Variants in MAFA observed in about 807,000 individuals in gnomAD.
MAFA encodes the protein MAF bZIP transcription factor A, also known as transcription factor MafA.
For synonymous variants in MAFA, 244 were observed against 260.3 expected (o/e 0.94, Z 0.60); for missense variants, 547 against 538.0 (o/e 1.02, Z -0.16).
Position 143,430,325 on chromosome 8 carries a change from T to C in MAFA, c.82A>G (p.Lys28Glu). The C allele has an allele frequency of 6.9e-7, 1 of 1,447,868 alleles. No individual in the cohort carries two copies. The highest frequency in any genetic ancestry group is 9.2e-7 in the Non-Finnish European group (1 of 1,085,098). The allele number at this position is 1,447,868 out of a possible 1,614,324, so 89.7% of individuals were successfully genotyped here. A position where few individuals can be genotyped will look rare whatever the true frequency, so the allele number is the denominator to read the frequency against. The change falls in exon 1 of 1, where the codon AAG becomes GAG. Residue 28 changes from lysine to glutamate, a missense_variant. Lys to Glu is a moderately conservative substitution (Grantham distance 56). Coordinates refer to ENST00000333480, the MANE Select transcript of MAFA (RefSeq NM_201589.4). ...IEYVNDFDLM[K>E]FEVKKEPPEA... is the part of the protein sequence containing the mutation. ...GGAGGCTCCTTCTTCACCTCGAACT[T>C]CATCAGGTCGAAGTCGTTGACGTAC...
In MAFA at chr8:143,429,686, T is replaced by TCAGCTCGCGCACCGACATGGACAC; in HGVS notation, c.697_720dup (p.Val233_Leu240dup). ...TTGCTGAAGCCGCGGAGCTGCCGGT[T>TCAGCTCGCGCACCGACATGGACAC]CAGCTCGCGCACCGACATGGACACC... is the stretch of plus-strand genomic sequence containing the variant. On this transcript the variant is annotated inframe_insertion, in exon 1 of 1. Transcript: ENST00000333480. This position sits in a 1 kb window ranked among gnomAD's most constrained non-coding sequence, Gnocchi z 5.9. 6.4e-7 allele frequency: 1 copy of TCAGCTCGCGCACCGACATGGACAC among 1,573,464 alleles called. No individual in the cohort carries two copies. Among genetic ancestry groups the TCAGCTCGCGCACCGACATGGACAC allele is most frequent in the African/African-American group, 1.3e-5 (1 of 74,334 alleles).
Position 143,429,220 on chromosome 8 carries a change from C to T in MAFA, c.*125G>A, listed in dbSNP as rs927926903. On this transcript the variant is annotated 3_prime_UTR_variant, in exon 1 of 1. Transcript: ENST00000333480. This position sits in a 1 kb window ranked among gnomAD's most constrained non-coding sequence, Gnocchi z 5.9. ...AGCCCCGCGCCCGCAGACTTGGCAC[C>T]GGGGCCAGCACGGCCGGGCCGGGCC... 3 of 1,164,072 alleles carry T rather than the reference C, an allele frequency of 2.6e-6. No individual in the cohort carries two copies. Among genetic ancestry groups the T allele is most frequent in the Admixed American group, 4.5e-5 (1 of 22,466 alleles). The allele number at this position is 1,164,072 out of a possible 1,614,324, so 72.1% of individuals were successfully genotyped here.
In MAFA at chr8:143,430,150, CCGCCGCCGCCCCCCG is replaced by C. The variant is rs1224802142; in HGVS notation, c.242_256del (p.Ala81_Gly85del). 12 of 1,093,054 alleles carry C rather than the reference CCGCCGCCGCCCCCCG, an allele frequency of 1.1e-5. No homozygotes were observed. The highest frequency in any genetic ancestry group is 4.1e-4 in the Middle Eastern group (1 of 2,448). 67.7% of individuals were successfully genotyped at this position (1,093,054 alleles called of 1,614,324 possible). A position where few individuals can be genotyped will look rare whatever the true frequency, so the allele number is the denominator to read the frequency against. ...GGGGGCGCCCCCGGCCTGAGACGAG[CCGCCGCCGCCCCCCG>C]CGCCGCCGCCGCCGCCGGTGCCCGG... is the stretch of plus-strand genomic sequence containing the variant. On this transcript the variant is annotated inframe_deletion, in exon 1 of 1. Transcript: ENST00000333480.
Position 143,429,360 on chromosome 8 carries a change from G to A in MAFA, c.1047C>T (p.Ala349=). The A allele has an allele frequency of 7.3e-7, 1 of 1,374,306 alleles. No homozygotes were observed. The allele number at this position is 1,374,306 out of a possible 1,614,324, so 85.1% of individuals were successfully genotyped here. The change falls in exon 1 of 1, where the codon GCC becomes GCT. Residue 349 remains alanine, a synonymous_variant. Coordinates refer to ENST00000333480, the MANE Select transcript of MAFA (RefSeq NM_201589.4). The surrounding 1 kb of genome is among the most constrained non-coding windows in gnomAD (Gnocchi z 5.9). ...GGTCCGGCGCCTACAGGAAGAAGTCGGCCGTGCCCTTGGCCCCGCCGGGAC... is the reference window on the plus strand; with the variant it reads ...GGTCCGGCGCCTACAGGAAGAAGTCAGCCGTGCCCTTGGCCCCGCCGGGAC... ...QAGPGGAKGT[A]DFFL is the part of the protein sequence containing the mutation.
chr8:143,429,218 A>C lies in MAFA; in HGVS notation c.*127T>G. The C allele has an allele frequency of 1.7e-6, 2 of 1,153,672 alleles. No homozygotes were observed. Among genetic ancestry groups the C allele is most frequent in the Non-Finnish European group, 2.2e-6 (2 of 924,300 alleles). The allele number at this position is 1,153,672 out of a possible 1,614,324, so 71.5% of individuals were successfully genotyped here. ...CCAGCCCCGCGCCCGCAGACTTGGC[A>C]CCGGGGCCAGCACGGCCGGGCCGGG... On this transcript the variant is annotated 3_prime_UTR_variant, in exon 1 of 1. Coordinates refer to ENST00000333480, the MANE Select transcript of MAFA (RefSeq NM_201589.4). The surrounding 1 kb of genome is among the most constrained non-coding windows in gnomAD (Gnocchi z 5.9).
At position 143,430,457 on chromosome 8, in the gene MAFA, G is replaced by T. The variant is rs1819523749; in HGVS notation, c.-51C>A. The T allele has an allele frequency of 2.3e-6, 2 of 851,734 alleles. No individual in the cohort carries two copies. The highest frequency in any genetic ancestry group is 5.7e-5 in the Admixed American group (1 of 17,414). The allele number at this position is 851,734 out of a possible 1,614,324, so 52.8% of individuals were successfully genotyped here. ...CCCCGACGGGCGGCGTGGGAGTGGG[G>T]GGGGAGCTGCAGGCCTCTCCCCCCC... On this transcript the variant is annotated 5_prime_UTR_variant, in exon 1 of 1. Transcript: ENST00000333480.
At position 143,429,555 on chromosome 8, in the gene MAFA, G is replaced by C. The variant is rs377604049; in HGVS notation, c.852C>G (p.Ser284Arg). ...KRVQQRHILE[S>R]EKCQLQSQVE... ...CCTGGCTCTGGAGTTGGCACTTCTC[G>C]CTCTCCAGAATGTGCCGCTGCTGCA... Residue 284 changes from serine (S) to arginine (R), a missense_variant, in exon 1 of 1, where the codon AGC (serine) becomes AGG (arginine). Coordinates refer to ENST00000333480, the MANE Select transcript of MAFA (RefSeq NM_201589.4). This position sits in a 1 kb window ranked among gnomAD's most constrained non-coding sequence, Gnocchi z 5.9. 1.9e-6 allele frequency: 3 copies of C among 1,604,784 alleles called. No individual in the cohort carries two copies. Among genetic ancestry groups the C allele is most frequent in the Admixed American group, 3.3e-5 (2 of 59,926 alleles).
In MAFA at chr8:143,430,392, C is replaced by T. The variant is rs973094410; in HGVS notation, c.15G>A (p.Leu5=). 3.6e-6 allele frequency: 5 copies of T among 1,373,404 alleles called. No homozygotes were observed. Among genetic ancestry groups the T allele is most frequent in the Non-Finnish European group, 3.8e-6 (4 of 1,047,390 alleles). The allele number at this position is 1,373,404 out of a possible 1,614,324, so 85.1% of individuals were successfully genotyped here. Residue 5 remains leucine (L), a synonymous_variant, in exon 1 of 1, where the codon CTG becomes CTA. Coordinates refer to ENST00000333480, the MANE Select transcript of MAFA (RefSeq NM_201589.4). Reference sequence around the variant, plus strand: ...TGCTGGGCAGCTCGGCGCCCATCGCCAGCTCCGCGGCCATCGCCCGGGGCC... The same window carrying T: ...TGCTGGGCAGCTCGGCGCCCATCGCTAGCTCCGCGGCCATCGCCCGGGGCC... MAAE[L]AMGAELPSSP...
In MAFA at chr8:143,429,799, T is replaced by C. The variant is rs1819503880; in HGVS notation, c.608A>G (p.His203Arg). 6.7e-7 allele frequency: 1 copy of C among 1,496,772 alleles called. No homozygotes were observed. The highest frequency in any genetic ancestry group is 8.9e-7 in the Non-Finnish European group (1 of 1,125,074). The allele number at this position is 1,496,772 out of a possible 1,614,324, so 92.7% of individuals were successfully genotyped here. Residue 203 changes from histidine to arginine, a missense_variant, in exon 1 of 1, where the codon CAC becomes CGC. Transcript: ENST00000333480. This position sits in a 1 kb window ranked among gnomAD's most constrained non-coding sequence, Gnocchi z 5.9. ...HHHHAAHHHH[H>R]HHHHHGGAGH... ...CGCGCCGCCATGGTGGTGGTGGTGG[T>C]GGTGGTGGTGGTGGGCGGCGTGGTG...
Position 143,429,800 on chromosome 8 carries a change from G to A in MAFA, c.607C>T (p.His203Tyr). Reference sequence around the variant, plus strand: ...GCGCCGCCATGGTGGTGGTGGTGGTGGTGGTGGTGGTGGGCGGCGTGGTGA... The same window carrying A: ...GCGCCGCCATGGTGGTGGTGGTGGTAGTGGTGGTGGTGGGCGGCGTGGTGA... ...HHHHAAHHHH[H>Y]HHHHHGGAGH... is the part of the protein sequence containing the mutation. The change falls in exon 1 of 1, where the codon CAC (histidine) becomes TAC (tyrosine). Residue 203 changes from histidine (H) to tyrosine (Y), a missense_variant. Coordinates refer to ENST00000333480, the MANE Select transcript of MAFA (RefSeq NM_201589.4). The surrounding 1 kb of genome is among the most constrained non-coding windows in gnomAD (Gnocchi z 5.9). The A allele has an allele frequency of 6.6e-7, 1 of 1,509,112 alleles. No homozygotes were observed. The highest frequency in any genetic ancestry group is 2.0e-5 in the Admixed American group (1 of 49,266). The allele number at this position is 1,509,112 out of a possible 1,614,324, so 93.5% of individuals were successfully genotyped here. A position where few individuals can be genotyped will look rare whatever the true frequency, so the allele number is the denominator to read the frequency against.
At position 143,430,357 on chromosome 8, in the gene MAFA, G is replaced by A; in HGVS notation, c.50C>T (p.Ala17Val). 1 of 1,444,552 alleles carries A rather than the reference G, an allele frequency of 6.9e-7. No individual in the cohort carries two copies. The highest frequency in any genetic ancestry group is 9.2e-7 in the Non-Finnish European group (1 of 1,084,074). The allele number at this position is 1,444,552 out of a possible 1,614,324, so 89.5% of individuals were successfully genotyped here. A position where few individuals can be genotyped will look rare whatever the true frequency, so the allele number is the denominator to read the frequency against. ...GTCGAAGTCGTTGACGTACTCGATG[G>A]CCAGCGGGCTGCTGGGCAGCTCGGC... ...MGAELPSSPL[A>V]IEYVNDFDLM... The change falls in exon 1 of 1, where the codon GCC becomes GTC. Residue 17 changes from alanine (A) to valine (V), a missense_variant. By Grantham distance (64) the Ala-to-Val change is moderately conservative (BLOSUM62 0). Transcript: ENST00000333480.
rs1473612029 is a variant in MAFA at position 143,429,899 on chromosome 8, C to A, written c.508G>T (p.Gly170Cys). The A allele has an allele frequency of 1.5e-6, 2 of 1,301,032 alleles. No individual in the cohort carries two copies. Among genetic ancestry groups the A allele is most frequent in the African/African-American group, 1.6e-5 (1 of 63,130 alleles). 80.6% of individuals were successfully genotyped at this position (1,301,032 alleles called of 1,614,324 possible). A position where few individuals can be genotyped will look rare whatever the true frequency, so the allele number is the denominator to read the frequency against. ...AAAYEAFRGPGFAGGGGADDM... is the reference protein window; with the variant it reads ...AAAYEAFRGPCFAGGGGADDM... ...TCCGCTCCGCCGCCGCCCGCGAAGC[C>A]CGGGCCGCGGAAAGCCTCGTAGGCT... The change falls in exon 1 of 1, where the codon GGC becomes TGC. Residue 170 changes from glycine (G) to cysteine (C), a missense_variant. By Grantham distance (159) the Gly-to-Cys change is radical. Transcript: ENST00000333480. This position sits in a 1 kb window ranked among gnomAD's most constrained non-coding sequence, Gnocchi z 5.9.
In MAFA at chr8:143,430,299, G is replaced by T. The variant is rs954548436; in HGVS notation, c.108C>A (p.Pro36=). Residue 36 remains proline, a synonymous_variant, in exon 1 of 1, where the codon CCC becomes CCA. Transcript: ENST00000333480. The part of the protein sequence containing the change: ...LMKFEVKKEP[P]EAERFCHRLP... ...GGCGGTGGCAGAAGCGCTCGGCCTC[G>T]GGAGGCTCCTTCTTCACCTCGAACT... The T allele has an allele frequency of 1.4e-6, 2 of 1,450,036 alleles. No individual in the cohort carries two copies. The highest frequency in any genetic ancestry group is 3.1e-5 in the East Asian group (1 of 31,772). The allele number at this position is 1,450,036 out of a possible 1,614,324, so 89.8% of individuals were successfully genotyped here. A position where few individuals can be genotyped will look rare whatever the true frequency, so the allele number is the denominator to read the frequency against.
At position 143,429,221 on chromosome 8, in the gene MAFA, G is replaced by C. The variant is rs1228076472; in HGVS notation, c.*124C>G. 1 of 1,167,198 alleles carries C rather than the reference G, an allele frequency of 8.6e-7. No individual in the cohort carries two copies. The allele number at this position is 1,167,198 out of a possible 1,614,324, so 72.3% of individuals were successfully genotyped here. ...GCCCCGCGCCCGCAGACTTGGCACC[G>C]GGGCCAGCACGGCCGGGCCGGGCCT... On this transcript the variant is annotated 3_prime_UTR_variant, in exon 1 of 1. Coordinates refer to ENST00000333480, the MANE Select transcript of MAFA (RefSeq NM_201589.4). The surrounding 1 kb of genome is among the most constrained non-coding windows in gnomAD (Gnocchi z 5.9).
Position 143,429,986 on chromosome 8 carries a change from C to T in MAFA, c.421G>A (p.Ala141Thr). The T allele has an allele frequency of 7.5e-7, 1 of 1,340,126 alleles. No individual in the cohort carries two copies. The highest frequency in any genetic ancestry group is 9.6e-7 in the Non-Finnish European group (1 of 1,039,300). The allele number at this position is 1,340,126 out of a possible 1,614,324, so 83.0% of individuals were successfully genotyped here. Residue 141 changes from alanine (A) to threonine (T), a missense_variant, in exon 1 of 1, where the codon GCG becomes ACG. Ala to Thr is a moderately conservative substitution (Grantham distance 58). Coordinates refer to ENST00000333480, the MANE Select transcript of MAFA (RefSeq NM_201589.4). The surrounding 1 kb of genome is among the most constrained non-coding windows in gnomAD (Gnocchi z 5.9). ...CCGTGGTGGCCGCTGCCGATGAGCG[C>T]CTCCACCGCGTCCTCGGGCGTCAGG... ...LNLTPEDAVE[A>T]LIGSGHHGAH...
Position 143,429,872 on chromosome 8 carries a change from C to T in MAFA, c.535G>A (p.Asp179Asn), listed in dbSNP as rs1819513612. 1 of 1,327,182 alleles carries T rather than the reference C, an allele frequency of 7.5e-7. No homozygotes were observed. The highest frequency in any genetic ancestry group is 9.6e-7 in the Non-Finnish European group (1 of 1,046,900). 82.2% of individuals were successfully genotyped at this position (1,327,182 alleles called of 1,614,324 possible). Residue 179 changes from aspartate (D) to asparagine (N), a missense_variant, in exon 1 of 1, where the codon GAC becomes AAC. Coordinates refer to ENST00000333480, the MANE Select transcript of MAFA (RefSeq NM_201589.4). This position sits in a 1 kb window ranked among gnomAD's most constrained non-coding sequence, Gnocchi z 5.9. ...CCGTGGTGGTGGCCGGCGCCCATGT[C>T]GTCCGCTCCGCCGCCGCCCGCGAAG... ...PGFAGGGGAD[D>N]MGAGHHHGAH...
Position 143,429,555 on chromosome 8 carries a change from G to T in MAFA, c.852C>A (p.Ser284Arg). 1.2e-6 allele frequency: 2 copies of T among 1,604,784 alleles called. No homozygotes were observed. Among genetic ancestry groups the T allele is most frequent in the Middle Eastern group, 3.3e-4 (2 of 6,034 alleles). The change falls in exon 1 of 1, where the codon AGC becomes AGA. Residue 284 changes from serine (S) to arginine (R), a missense_variant. Coordinates refer to ENST00000333480, the MANE Select transcript of MAFA (RefSeq NM_201589.4). The surrounding 1 kb of genome is among the most constrained non-coding windows in gnomAD (Gnocchi z 5.9). Reference protein sequence around the residue: ...KRVQQRHILESEKCQLQSQVE... With the variant: ...KRVQQRHILEREKCQLQSQVE... ...CCTGGCTCTGGAGTTGGCACTTCTC[G>T]CTCTCCAGAATGTGCCGCTGCTGCA...
Position 143,429,720 on chromosome 8 carries a change from G to A in MAFA, c.687C>T (p.Asp229=), listed in dbSNP as rs1218449444. 4.5e-6 allele frequency: 7 copies of A among 1,557,546 alleles called. No homozygotes were observed. The highest frequency in any genetic ancestry group is 1.2e-5 in the South Asian group (1 of 86,176). The change falls in exon 1 of 1, where the codon GAC becomes GAT. Residue 229 remains aspartate (D), a synonymous_variant. Coordinates refer to ENST00000333480, the MANE Select transcript of MAFA (RefSeq NM_201589.4). This position sits in a 1 kb window ranked among gnomAD's most constrained non-coding sequence, Gnocchi z 5.9. The stretch of plus-strand genomic sequence containing the variant: ...GCACCGACATGGACACCAGCTGGTC[G>A]TCGGAGAAGCGCTCCTCCAGGCGCA... ...HHVRLEERFS[D]DQLVSMSVRE...
chr8:143,428,952 AAGAGAACGAAGG>A lies in MAFA; in HGVS notation c.*381_*392del, dbSNP rs1819489794. 2 of 166,748 alleles carry A rather than the reference AAGAGAACGAAGG, an allele frequency of 1.2e-5. No individual in the cohort carries two copies. Among genetic ancestry groups the A allele is most frequent in the Non-Finnish European group, 2.5e-5 (2 of 78,492 alleles). The allele number at this position is 166,748 out of a possible 1,614,324, so 10.3% of individuals were successfully genotyped here. ...AAAAGGCAAGGAAAGGGAGGCTGAG[AAGAGAACGAAGG>A]AGGGCGGGGGCAGGCAGGGGCCACC... On this transcript the variant is annotated 3_prime_UTR_variant, in exon 1 of 1. Coordinates refer to ENST00000333480, the MANE Select transcript of MAFA (RefSeq NM_201589.4).
Sources: gnomAD v4.1 joint callset for allele counts on GRCh38, gnomAD v4.1.1 for gene constraint, Gnocchi (gnomAD v3.1) non-coding constraint, MANE v1.5 for transcripts, NCBI Gene and HGNC (gene_info 2026-07-23, HGNC 2026-07-21) for gene names.